The following TRMT44 variants were observed in gnomAD, a reference collection of about 807,000 sequenced individuals.
TRMT44 encodes tRNA methyltransferase 44 homolog, also known as probable tRNA (uracil-O(2)-)-methyltransferase.
In TRMT44, 78 loss-of-function variants were observed where a neutral mutation model predicts 77.3. The observed-to-expected ratio is 1.01, with a 90% CI of 0.84 to 1.22. The LOEUF is 1.22. TRMT44 is among the 50% of genes most tolerant of loss of function. The probability of loss-of-function intolerance (pLI) is 0.00; values close to 1 mark genes in which losing one functional copy is unlikely to be tolerated. For synonymous variants in TRMT44, 391 were observed against 383.3 expected, an observed-to-expected ratio of 1.02 and a Z score of -0.23; for missense variants, 1,090 against 964.4, an observed-to-expected ratio of 1.13 and a Z score of -1.73.
chr4:8,475,743 C>T (rs1727333433), intron 10 of TRMT44, 29 bp from the exon 11 acceptor site: 1 of 1,605,872 alleles, frequency 6.2e-7, no homozygotes, highest in Non-Finnish European at 8.5e-7. Flanking sequence ...GTTTACTTCT[C>T]AGTGTGTCTT....
chr4:8,494,437 TTAG>T (rs1728095822), downstream of TRMT44, among the ~76,000 whole-genome samples: 2 of 152,226 alleles, frequency 1.3e-5, no homozygotes, highest in Non-Finnish European at 2.9e-5. Flanking sequence ...TTGTTTTATC[TTAG>T]TAGAAATGCA....
intron 6 of TRMT44, among the ~76,000 whole-genome samples, chr4:8,456,461 G>A (rs1374848064): frequency 2.0e-5 from 3 of 151,460 alleles, no homozygotes. Flanking sequence ...TGAGTTCCTT[G>A]ATATGTCTTA....
At chr4:8,454,872 T>G (rs1002243331) in intron 6 of TRMT44, 59 bp downstream of exon 6, 26 of 1,492,200 alleles carry the variant, frequency 1.7e-5, no homozygotes, top group Admixed American at 3.4e-5. Context: ...CAGTGGGAAT[T>G]GCTGTAATGA....
the TRMT44 span, among the ~76,000 whole-genome samples, chr4:8,516,230 C>G: frequency 6.6e-6 from 1 of 152,182 alleles, no homozygotes; most frequent in Non-Finnish European, 1.5e-5. Context: ...GCAGGCCCGG[C>G]CACAAGAGCA....
At chr4:8,465,909 C>T (rs1726512972) in intron 8 of TRMT44, among the ~76,000 whole-genome samples, 1 of 152,246 alleles carries the variant, frequency 6.6e-6, no homozygotes, top group Admixed American at 6.5e-5. Flanking sequence ...CTTCAAGTCG[C>T]AGATAATTGG....
At chr4:8,513,258 G>A in the TRMT44 span, among the ~76,000 whole-genome samples, 1 of 152,238 alleles carries the variant, frequency 6.6e-6, no homozygotes, top group Non-Finnish European at 1.5e-5. Context: ...GCAAGGAAGA[G>A]CAAGTCACAT....
chr4:8,490,593 C>T (rs559502355), intron 2 of TRMT44, among the ~76,000 whole-genome samples: 15 of 149,596 alleles, frequency 1.0e-4, no homozygotes, highest in Admixed American at 3.3e-4. Context: ...CATTCCTCCC[C>T]GTGGGCTCGT....
intron 6 of TRMT44, chr4:8,455,015 G>A: frequency 1.7e-6 from 1 of 599,328 alleles, no homozygotes; most frequent in Middle Eastern, 3.6e-4. Context: ...TAAACTGACT[G>A]AAGGGCGCTG....
rs1487023184 is a variant in TRMT44 at position 8,452,690 on chromosome 4, C to T, written c.1024-192C>T. On this transcript the variant is annotated intron_variant, in intron 4 of 10. Transcript: ENST00000389737. This position sits in a 1 kb window ranked among gnomAD's most constrained non-coding sequence, Gnocchi z 5.7. ...CGGAGGTTGCAGTGACCAGAGATTGCATCATTGCACTCTAGCCTGGGCGGC... is the reference window on the plus strand; with the variant it reads ...CGGAGGTTGCAGTGACCAGAGATTGTATCATTGCACTCTAGCCTGGGCGGC... 6.6e-6 allele frequency among the ~76,000 whole-genome samples: 1 copy of T among 151,454 alleles called. No homozygotes were observed. Among genetic ancestry groups the T allele is most frequent in the Non-Finnish European group, 1.5e-5 (1 of 67,960 alleles).
At chr4:8,448,603 T>C (rs1421711060) in intron 2 of TRMT44, among the ~76,000 whole-genome samples, 4 of 152,180 alleles carry the variant, frequency 2.6e-5, no homozygotes, top group African/African-American at 9.7e-5. Context: ...CCAAAGTTAG[T>C]GTCAGGCCCA....
In TRMT44 at chr4:8,441,356, G is replaced by T. The variant is rs1724678468; in HGVS notation, c.534G>T (p.Glu178Asp). 6.5e-7 allele frequency: 1 copy of T among 1,534,990 alleles called. No individual in the cohort carries two copies. The highest frequency in any genetic ancestry group is 8.7e-7 in the Non-Finnish European group (1 of 1,146,276). ...GAGSQPEAQRELDVVLRTVIP... is the reference protein window; with the variant it reads ...GAGSQPEAQRDLDVVLRTVIP... ...GATCGCAGCCAGAGGCGCAGCGTGA[G>T]CTCGACGTGGTTCTCAGAACCGTCA... The change falls in exon 1 of 11, where the codon GAG becomes GAT. Residue 178 changes from glutamate to aspartate, a missense_variant. By Grantham distance (45) the Glu-to-Asp change is conservative. Transcript: ENST00000389737.
downstream of TRMT44, chr4:8,478,341 C>T (rs1375310309): frequency 6.6e-6 from 1 of 152,666 alleles, no homozygotes; most frequent in African/African-American, 2.4e-5. Context: ...CAGGTGGGGT[C>T]CTGCCAGGCC....
chr4:8,441,958 T>C (rs1225564188), intron 1 of TRMT44, among the ~76,000 whole-genome samples: 1 of 152,250 alleles, frequency 6.6e-6, no homozygotes, highest in Non-Finnish European at 1.5e-5. Context: ...CAGTGCATCA[T>C]ACATGTCATC....
chr4:8,474,456 G>A (rs528114536), intron 10 of TRMT44, among the ~76,000 whole-genome samples: 3 of 152,226 alleles, frequency 2.0e-5, no homozygotes, highest in Non-Finnish European at 2.9e-5. Flanking sequence ...TGGCCTTGGC[G>A]GTGCTTCCAG....
intron 1 of TRMT44, among the ~76,000 whole-genome samples, chr4:8,443,786 C>G (rs965028205): frequency 1.3e-5 from 2 of 152,024 alleles, no homozygotes; most frequent in African/African-American, 4.8e-5. Flanking sequence ...TGGTGAAACC[C>G]CGTCTCTACT....
intron 2 of TRMT44, among the ~76,000 whole-genome samples, chr4:8,489,856 G>A (rs1372675987): frequency 1.3e-5 from 2 of 152,172 alleles, no homozygotes; most frequent in South Asian, 4.1e-4. Flanking sequence ...CCGTCAGACT[G>A]GGGGAGGAGA....
rs765116485 is a variant in TRMT44, at chr4:8,451,301, C to A, written c.955-659C>A. On this transcript the variant is annotated intron_variant, in intron 3 of 10. Coordinates refer to ENST00000389737, the MANE Select transcript of TRMT44 (RefSeq NM_152544.3). This position sits in a 1 kb window ranked among gnomAD's most constrained non-coding sequence, Gnocchi z 4.1. Reference sequence around the variant, plus strand: ...GTTTTTCCAGCTTTTGAAATTGTTTCTAGTGGGATGGTTCATCTGTATTGT... The same window carrying A: ...GTTTTTCCAGCTTTTGAAATTGTTTATAGTGGGATGGTTCATCTGTATTGT... 6.6e-6 allele frequency among the ~76,000 whole-genome samples: 1 copy of A among 152,116 alleles called. No individual in the cohort carries two copies. The highest frequency in any genetic ancestry group is 2.4e-5 in the African/African-American group (1 of 41,412).
chr4:8,475,062 A>T (rs1164663466), intron 10 of TRMT44, among the ~76,000 whole-genome samples: 1 of 152,162 alleles, frequency 6.6e-6, no homozygotes, highest in Non-Finnish European at 1.5e-5. Flanking sequence ...TCCAGAGCTC[A>T]TTGGCCTCTG....
At chr4:8,459,921 C>A (rs763854813) in intron 6 of TRMT44, among the ~76,000 whole-genome samples, 1 of 152,070 alleles carries the variant, frequency 6.6e-6, no homozygotes, top group African/African-American at 2.4e-5. Flanking sequence ...GTGTAGTGGC[C>A]GCCGCTGGAG....
Sources: gnomAD v4.1 joint callset for allele counts (sites outside exome capture counted in the v4.1 genomes callset) on GRCh38, gnomAD v4.1.1 for gene constraint, Gnocchi (gnomAD v3.1) non-coding constraint, MANE v1.5 for transcripts, NCBI Gene and HGNC (gene_info 2026-07-23, HGNC 2026-07-21) for gene names.